The following TRAPPC9 variants were observed in gnomAD, a reference collection of about 807,000 sequenced individuals.
The protein encoded by TRAPPC9 is IKK2 binding protein.
TRAPPC9 carries 83 observed loss-of-function variants against 124.0 expected under a neutral mutation model. The ratio of observed to expected loss-of-function variants is 0.67; its 90% confidence interval spans 0.56 to 0.80. TRAPPC9 has a LOEUF of 0.80. Ranked by LOEUF, TRAPPC9 falls within the 30% of genes least tolerant of loss-of-function variation. TRAPPC9 has a pLI of 0.00. For synonymous variants in TRAPPC9, 638 were observed against 617.5 expected (o/e 1.03, Z -0.49); for missense variants, 1,302 against 1,508.3 (o/e 0.86, Z 2.27).
intron 19 of TRAPPC9, among the ~76,000 whole-genome samples, chr8:139,965,788 G>GGGGAAATACAAACAATGCAATTACTTTTA (rs1587360297): frequency 6.6e-6 from 1 of 152,252 alleles, no homozygotes; most frequent in Non-Finnish European, 1.5e-5. Context: ...TCCATGTTGA[G>GGGGAAATACAAACAATGCAATTACTTTTA]CAGAGTTGGC....
At chr8:140,023,644 G>A (rs1444804246) in intron 18 of TRAPPC9, among the ~76,000 whole-genome samples, 2 of 152,206 alleles carry the variant, frequency 1.3e-5, no homozygotes, top group Non-Finnish European at 2.9e-5. Context: ...AGGCTGGGCG[G>A]GAAATGTGTG....
intron 8 of TRAPPC9, among the ~76,000 whole-genome samples, chr8:140,368,875 T>G (rs940029387): frequency 6.6e-6 from 1 of 152,128 alleles, no homozygotes. Context: ...CAGCGAGACC[T>G]CATCTCTAAA....
intron 17 of TRAPPC9, among the ~76,000 whole-genome samples, chr8:140,183,952 G>GGA (rs2062284330): frequency 4.4e-5 from 2 of 45,932 alleles, no homozygotes; most frequent in Admixed American, 2.4e-4. Context: ...GAGAGGAGAG[G>GGA]GGAGGGGAGG....
intron 1 of TRAPPC9, among the ~76,000 whole-genome samples, chr8:140,455,257 C>T (rs1307499484): frequency 5.9e-5 from 9 of 151,980 alleles, no homozygotes; most frequent in South Asian, 4.1e-4. Context: ...CTCGGCCTCC[C>T]GGGTAGCTGG....
intron 21 of TRAPPC9, among the ~76,000 whole-genome samples, chr8:139,812,516 G>C (rs1433726971): frequency 6.6e-6 from 1 of 152,214 alleles, no homozygotes; most frequent in East Asian, 1.9e-4. Context: ...TCTGAGGACT[G>C]GCGCTGGGTG....
chr8:140,159,963 AC>A (rs1322605214), intron 17 of TRAPPC9, among the ~76,000 whole-genome samples: 16 of 152,236 alleles, frequency 1.1e-4, no homozygotes, highest in African/African-American at 1.9e-4. Flanking sequence ...TAAGAAAAAA[AC>A]AACCCCATCC....
chr8:139,894,750 A>T (rs936885742), intron 20 of TRAPPC9, among the ~76,000 whole-genome samples: 1 of 152,156 alleles, frequency 6.6e-6, no homozygotes, highest in Non-Finnish European at 1.5e-5. Context: ...AGATGAGCTC[A>T]GTTTCACTGT....
chr8:139,871,219 G>C (rs4736109), intron 21 of TRAPPC9, among the ~76,000 whole-genome samples: 123,396 of 152,178 alleles, frequency 0.81, 50,253 homozygotes, highest in East Asian at 1. Context: ...CTCTGTGGCT[G>C]AGTTTTGTTA....
At chr8:140,245,214 G>C (rs555026071) in intron 16 of TRAPPC9, among the ~76,000 whole-genome samples, 97 of 152,098 alleles carry the variant, frequency 6.4e-4, no homozygotes, top group Non-Finnish European at 1.2e-3. Flanking sequence ...TAGAAAACAC[G>C]ACACAGGTCC....
chr8:140,338,015 TC>T (rs1443683957), intron 9 of TRAPPC9, among the ~76,000 whole-genome samples: 8 of 152,170 alleles, frequency 5.3e-5, no homozygotes, highest in Admixed American at 4.6e-4. Context: ...AAAGAGGGCC[TC>T]CGTATTTTAT....
At chr8:139,836,015 T>A (rs984988763) in intron 21 of TRAPPC9, among the ~76,000 whole-genome samples, 1 of 105,378 alleles carries the variant, frequency 9.5e-6, no homozygotes, top group African/African-American at 6.5e-5. Flanking sequence ...TATTTATTTA[T>A]TTATTTTTTT....
At chr8:140,196,059 C>T (rs1196392978) in intron 17 of TRAPPC9, among the ~76,000 whole-genome samples, 2 of 54,606 alleles carry the variant, frequency 3.7e-5, no homozygotes, top group African/African-American at 1.7e-4. Context: ...TTGAACAATT[C>T]ACATACAGAC....
intron 9 of TRAPPC9, among the ~76,000 whole-genome samples, chr8:140,352,027 A>C (rs1254794626): frequency 6.6e-6 from 1 of 152,146 alleles, no homozygotes; most frequent in Non-Finnish European, 1.5e-5. Flanking sequence ...GCCCCCACAA[A>C]GTCCCCCATT....
intron 21 of TRAPPC9, among the ~76,000 whole-genome samples, chr8:139,847,076 C>T (rs1046859789): frequency 2.6e-5 from 4 of 152,228 alleles, no homozygotes; most frequent in African/African-American, 9.6e-5. Flanking sequence ...TCCCCAGATG[C>T]AGCAACTGTG....
intron 19 of TRAPPC9, among the ~76,000 whole-genome samples, chr8:139,929,067 T>C (rs1832970490): frequency 6.6e-6 from 1 of 152,158 alleles, no homozygotes. Context: ...AATCTATGAC[T>C]AGCAAATACT....
At chr8:140,118,224 C>A (rs2130580966) in intron 17 of TRAPPC9, among the ~76,000 whole-genome samples, 1 of 152,320 alleles carries the variant, frequency 6.6e-6, no homozygotes, top group Non-Finnish European at 1.5e-5. Context: ...AACAGACCAG[C>A]CGCCTGGAAT....
At chr8:140,283,744 T>C (rs985016036) in intron 14 of TRAPPC9, 145 bp downstream of exon 14, 1 of 837,938 alleles carries the variant, frequency 1.2e-6, no homozygotes, top group African/African-American at 1.7e-5. Flanking sequence ...CAAAGCGTAT[T>C]GATGTTGCTT....
intron 17 of TRAPPC9, among the ~76,000 whole-genome samples, chr8:140,213,605 T>G (rs2063117910): frequency 6.6e-6 from 1 of 152,188 alleles, no homozygotes; most frequent in Non-Finnish European, 1.5e-5. Flanking sequence ...TCTAATTTCT[T>G]AAAGTGAAGC....
intron 17 of TRAPPC9, among the ~76,000 whole-genome samples, chr8:140,032,701 C>A (rs1353449126): frequency 1.3e-5 from 2 of 152,134 alleles, no homozygotes; most frequent in African/African-American, 2.4e-5. Flanking sequence ...TAAATAACCA[C>A]ATACATAAGT....
Sources: allele counts gnomAD v4.1 joint callset (sites outside exome capture counted in the v4.1 genomes callset), GRCh38; gene constraint gnomAD v4.1.1; transcripts MANE v1.5; gene names NCBI Gene and HGNC (gene_info 2026-07-23, HGNC 2026-07-21).